Variants in DHFR2 observed in about 807,000 individuals in gnomAD.
DHFR2 encodes dihydrofolate reductase 2.
In DHFR2, 11 loss-of-function variants were observed where a neutral mutation model predicts 12.0. The observed-to-expected ratio is 0.92, with a 90% CI of 0.58 to 1.52. DHFR2 has a LOEUF of 1.52. Ranked by LOEUF, DHFR2 falls within the 40% of genes most tolerant of loss-of-function variation. The pLI, the probability that DHFR2 is intolerant of heterozygous loss-of-function variation, is 0.00. For missense variants in DHFR2, 188 were observed against 221.2 expected (o/e 0.85, Z 0.95); for synonymous variants, 87 against 79.6 (o/e 1.09, Z -0.49).
rs143681721 is a variant in DHFR2 at position 94,060,956 on chromosome 3, C to T, written c.556G>A (p.Asp186Asn). 1.4e-4 allele frequency: 230 copies of T among 1,613,226 alleles called. 1 individual carries two copies. The African/African-American group carries it at 2.9e-3, about 20-fold the overall frequency. ...CAGAAAACACCTTCATATTAATCAT[C>T]CTTCTCACATACTTCAAATTTGTAC... ...IKYKFEVCEK[D>N]D is the part of the protein sequence containing the mutation. Residue 186 changes from aspartate to asparagine, a missense_variant, in exon 2 of 2, where the codon GAT (aspartate) becomes AAT (asparagine). Asp to Asn is a conservative substitution (Grantham distance 23). Transcript: ENST00000314636.
At chr3:94,063,191 C>A, upstream of DHFR2, 1 of 1,601,246 alleles carries the variant, frequency 6.2e-7, no homozygotes, top group Non-Finnish European at 8.6e-7. Flanking sequence ...CGCTTCTGGA[C>A]GCGGCCGAGG....
Position 94,061,316 on chromosome 3 carries a change from G to A in DHFR2, c.196C>T (p.Arg66Ter). 3 of 1,613,968 alleles carry A rather than the reference G, an allele frequency of 1.9e-6. No homozygotes were observed. The highest frequency in any genetic ancestry group is 1.3e-5 in the African/African-American group (1 of 74,990). ...KTWFSIPEKN[R>*]PLKDRINLVL... ...AAATTAATTCTATCCTTTAAAGGTCGATTCTTCTCAGGAATGGAGAACCAG... is the reference window on the plus strand; with the variant it reads ...AAATTAATTCTATCCTTTAAAGGTCAATTCTTCTCAGGAATGGAGAACCAG... Residue 66 changes from arginine to a stop codon, truncating the protein, a stop_gained, in exon 2 of 2, where the codon CGA becomes TGA. Transcript: ENST00000314636. LOFTEE classifies it high-confidence loss of function.
At position 94,058,779 on chromosome 3, in the gene DHFR2, C is replaced by T. The variant is rs2077158039; in HGVS notation, c.*2169G>A. 1 of 155,308 alleles carries T rather than the reference C, an allele frequency of 6.4e-6. No individual in the cohort carries two copies. The highest frequency in any genetic ancestry group is 2.1e-4 in the South Asian group (1 of 4,802). 9.6% of individuals were successfully genotyped at this position (155,308 alleles called of 1,614,324 possible). On this transcript the variant is annotated 3_prime_UTR_variant, in exon 2 of 2. Coordinates refer to ENST00000314636, the MANE Select transcript of DHFR2 (RefSeq NM_176815.5). ...GCTTTATCTTCAATGCACTTCTTTC[C>T]AAATGCCCCAAATCTGGCAATAACC...
At chr3:94,061,948 C>T (rs927746503) in intron 1 of DHFR2, among the ~76,000 whole-genome samples, 1 of 152,022 alleles carries the variant, frequency 6.6e-6, no homozygotes, top group Non-Finnish European at 1.5e-5. Context: ...GAAGGAAAGA[C>T]ATGTTTTTAC....
rs778313066 is a variant in DHFR2 at position 94,061,438 on chromosome 3, C to A, written c.74G>T (p.Arg25Met). 1 of 1,614,184 alleles carries A rather than the reference C, an allele frequency of 6.2e-7. No individual in the cohort carries two copies. Residue 25 changes from arginine (R) to methionine (M), a missense_variant, in exon 2 of 2, where the codon AGG becomes ATG. Coordinates refer to ENST00000314636, the MANE Select transcript of DHFR2 (RefSeq NM_176815.5). The part of the protein sequence containing the change: ...MGIGKNGDLP[R>M]PPLRNEFRYF... ...CCTGAATTCATTCCTGAGCGGCGGC[C>A]TGGGCAGGTCCCCGTTCTTGCCGAT...
At position 94,061,074 on chromosome 3, in the gene DHFR2, G is replaced by A; in HGVS notation, c.438C>T (p.Asp146=). ...VTRIMQDFES[D]TFFSEIDLEK... ...CCAAGTCAATTTCTGAAAAAAACGT[G>A]TCACTTTCAAAGTCCTGCATGATCC... The change falls in exon 2 of 2, where the codon GAC becomes GAT. Residue 146 remains aspartate (D), a synonymous_variant. Transcript: ENST00000314636. 6.2e-7 allele frequency: 1 copy of A among 1,613,918 alleles called. No individual in the cohort carries two copies.
Position 94,061,179 on chromosome 3 carries a change from G to A in DHFR2, c.333C>T (p.Asp111=), listed in dbSNP as rs780600425. The A allele has an allele frequency of 1.9e-6, 3 of 1,613,946 alleles. No individual in the cohort carries two copies. The highest frequency in any genetic ancestry group is 1.3e-5 in the African/African-American group (1 of 75,032). ...AACTGCCACCAACTATCCAAATCATGTCTACTTTATTTGCTAATTCTGGTC... is the reference window on the plus strand; with the variant it reads ...AACTGCCACCAACTATCCAAATCATATCTACTTTATTTGCTAATTCTGGTC... ...TERPELANKV[D]MIWIVGGSSV... The change falls in exon 2 of 2, where the codon GAC becomes GAT. Residue 111 remains aspartate (D), a synonymous_variant. Transcript: ENST00000314636.
chr3:94,061,132 T>C lies in DHFR2; in HGVS notation c.380A>G (p.Asn127Ser), dbSNP rs1279686706. ...AAATAGTTTAAGATGGCCTAGGTGA[T>C]TCATGGCTTCCTTATAAACAGAACT... ...GGSSVYKEAM[N>S]HLGHLKLFVT... is the part of the protein sequence containing the mutation. The change falls in exon 2 of 2, where the codon AAT (asparagine) becomes AGT (serine). Residue 127 changes from asparagine (N) to serine (S), a missense_variant. Physicochemically the swap from Asn to Ser is conservative, Grantham distance 46. Coordinates refer to ENST00000314636, the MANE Select transcript of DHFR2 (RefSeq NM_176815.5). 3.1e-6 allele frequency: 5 copies of C among 1,613,870 alleles called. No homozygotes were observed. The highest frequency in any genetic ancestry group is 1.3e-5 in the African/African-American group (1 of 74,924).
rs2077162063 is a variant in DHFR2 at position 94,059,693 on chromosome 3, T to C, written c.*1255A>G. On this transcript the variant is annotated 3_prime_UTR_variant, in exon 2 of 2. Transcript: ENST00000314636. ...ATCCCTCACTTGAACCTAGAATTGGTTTTCCTGCTTCTGTACTTTTTTAAA... is the reference window on the plus strand; with the variant it reads ...ATCCCTCACTTGAACCTAGAATTGGCTTTCCTGCTTCTGTACTTTTTTAAA... The C allele has an allele frequency of 6.6e-6, 1 of 152,224 alleles. No individual in the cohort carries two copies. The highest frequency in any genetic ancestry group is 2.4e-5 in the African/African-American group (1 of 41,454). The allele number at this position is 152,224 out of a possible 1,614,324, so 9.4% of individuals were successfully genotyped here.
rs1191940930 is a variant in DHFR2 at position 94,060,492 on chromosome 3, A to G, written c.*456T>C. 6.2e-6 allele frequency: 1 copy of G among 161,540 alleles called. No individual in the cohort carries two copies. The highest frequency in any genetic ancestry group is 1.4e-5 in the Non-Finnish European group (1 of 73,592). The allele number at this position is 161,540 out of a possible 1,614,324, so 10.0% of individuals were successfully genotyped here. A position where few individuals can be genotyped will look rare whatever the true frequency, so the allele number is the denominator to read the frequency against. On this transcript the variant is annotated 3_prime_UTR_variant, in exon 2 of 2. Transcript: ENST00000314636. ...AATATATTCATTTTCCCATCACTGGACTTCCAGGTTGTTTTCAGTTTTTCA... is the reference window on the plus strand; with the variant it reads ...AATATATTCATTTTCCCATCACTGGGCTTCCAGGTTGTTTTCAGTTTTTCA...
Position 94,061,544 on chromosome 3 carries a change from G to T in DHFR2, c.-33C>A, listed in dbSNP as rs1257898578. Reference sequence around the variant, plus strand: ...GCGGTTAACACCTCCGAACTTGCTGGCTACGCCAGGAAGCCAGGCCAAGAA... The same window carrying T: ...GCGGTTAACACCTCCGAACTTGCTGTCTACGCCAGGAAGCCAGGCCAAGAA... On this transcript the variant is annotated 5_prime_UTR_variant, in exon 2 of 2. Coordinates refer to ENST00000314636, the MANE Select transcript of DHFR2 (RefSeq NM_176815.5). 6.2e-7 allele frequency: 1 copy of T among 1,610,620 alleles called. No individual in the cohort carries two copies. Among genetic ancestry groups the T allele is most frequent in the East Asian group, 2.2e-5 (1 of 44,832 alleles).
rs937496351 is a variant in DHFR2 at position 94,060,757 on chromosome 3, G to A, written c.*191C>T. ...TGCTGGGGACTCAGTCGGGGTCTTGGAGAGACAGTTATAGCAAGAATGTTT... is the reference window on the plus strand; with the variant it reads ...TGCTGGGGACTCAGTCGGGGTCTTGAAGAGACAGTTATAGCAAGAATGTTT... On this transcript the variant is annotated 3_prime_UTR_variant, in exon 2 of 2. Coordinates refer to ENST00000314636, the MANE Select transcript of DHFR2 (RefSeq NM_176815.5). 1.4e-5 allele frequency: 10 copies of A among 691,964 alleles called. No homozygotes were observed. The highest frequency in any genetic ancestry group is 1.4e-5 in the Non-Finnish European group (6 of 425,360). 42.9% of individuals were successfully genotyped at this position (691,964 alleles called of 1,614,324 possible).
At position 94,058,985 on chromosome 3, in the gene DHFR2, T is replaced by G. The variant is rs1244975951; in HGVS notation, c.*1963A>C. The G allele has an allele frequency of 6.5e-6, 1 of 152,760 alleles. No homozygotes were observed. The highest frequency in any genetic ancestry group is 1.5e-5 in the Non-Finnish European group (1 of 68,448). The allele number at this position is 152,760 out of a possible 1,614,324, so 9.5% of individuals were successfully genotyped here. ...TAAAGCTAGCTCCATAGCTGGAATATTGCCTGTGTTGGATACTATTTGCTG... is the reference window on the plus strand; with the variant it reads ...TAAAGCTAGCTCCATAGCTGGAATAGTGCCTGTGTTGGATACTATTTGCTG... On this transcript the variant is annotated 3_prime_UTR_variant, in exon 2 of 2. Transcript: ENST00000314636.
chr3:94,061,162 C>T lies in DHFR2; in HGVS notation c.350G>A (p.Gly117Asp). ...ANKVDMIWIV[G>D]GSSVYKEAMN... ...GGCTTCCTTATAAACAGAACTGCCA[C>T]CAACTATCCAAATCATGTCTACTTT... Residue 117 changes from glycine to aspartate, a missense_variant, in exon 2 of 2, where the codon GGT becomes GAT. Physicochemically the swap from Gly to Asp is moderately conservative, Grantham distance 94. Coordinates refer to ENST00000314636, the MANE Select transcript of DHFR2 (RefSeq NM_176815.5). 6.2e-7 allele frequency: 1 copy of T among 1,613,996 alleles called. No individual in the cohort carries two copies. Among genetic ancestry groups the T allele is most frequent in the Admixed American group, 1.7e-5 (1 of 60,012 alleles).
At chr3:94,062,993 A>C (rs553712892), upstream of DHFR2, 21 of 953,912 alleles carry the variant, frequency 2.2e-5, 1 homozygote, top group Non-Finnish European at 3.3e-5. Flanking sequence ...ATCTCGCGAG[A>C]AATTGAAGAG....
At chr3:94,063,028 C>A, upstream of DHFR2, 1 of 1,301,494 alleles carries the variant, frequency 7.7e-7, no homozygotes, top group Non-Finnish European at 1.1e-6. Flanking sequence ...AAAGTGGATG[C>A]CCGCGAATCC....
chr3:94,061,196 A>G lies in DHFR2; in HGVS notation c.316T>C (p.Leu106=), dbSNP rs1168667379. ...CAAATCATGTCTACTTTATTTGCTAATTCTGGTCGTTCAGTAAGTTTTAAG... is the reference window on the plus strand; with the variant it reads ...CAAATCATGTCTACTTTATTTGCTAGTTCTGGTCGTTCAGTAAGTTTTAAG... ...DALKLTERPE[L]ANKVDMIWIV... The change falls in exon 2 of 2, where the codon TTA becomes CTA. Residue 106 remains leucine, a synonymous_variant. Transcript: ENST00000314636. The G allele has an allele frequency of 6.2e-7, 1 of 1,614,016 alleles. No individual in the cohort carries two copies.
At chr3:94,063,226 G>T (rs2077188506), upstream of DHFR2, 1 of 1,294,844 alleles carries the variant, frequency 7.7e-7, no homozygotes, top group Non-Finnish European at 1.1e-6. Context: ...GCTGGGATGG[G>T]GGAACATCAC....
At position 94,060,487 on chromosome 3, in the gene DHFR2, A is replaced by G. The variant is rs1455886491; in HGVS notation, c.*461T>C. 6.2e-6 allele frequency: 1 copy of G among 161,560 alleles called. No homozygotes were observed. The highest frequency in any genetic ancestry group is 1.4e-5 in the Non-Finnish European group (1 of 73,616). 10.0% of individuals were successfully genotyped at this position (161,560 alleles called of 1,614,324 possible). ...ACAGAAATATATTCATTTTCCCATCACTGGACTTCCAGGTTGTTTTCAGTT... is the reference window on the plus strand; with the variant it reads ...ACAGAAATATATTCATTTTCCCATCGCTGGACTTCCAGGTTGTTTTCAGTT... On this transcript the variant is annotated 3_prime_UTR_variant, in exon 2 of 2. Coordinates refer to ENST00000314636, the MANE Select transcript of DHFR2 (RefSeq NM_176815.5).
Sources: allele counts gnomAD v4.1 joint callset (sites outside exome capture counted in the v4.1 genomes callset), GRCh38; gene constraint gnomAD v4.1.1; transcripts MANE v1.5; gene names NCBI Gene and HGNC (gene_info 2026-07-23, HGNC 2026-07-21).